The following FMN2 variants were observed in gnomAD, a reference collection of about 807,000 sequenced individuals.
The protein encoded by FMN2 is formin 2, also known as formin-2.
FMN2 carries 51 observed loss-of-function variants against 142.3 expected under a neutral mutation model. The observed-to-expected ratio is 0.36, with a 90% CI of 0.29 to 0.45. The LOEUF is 0.45. Among genes scored for constraint, FMN2 ranks in the 20% least tolerant of loss-of-function variants. The pLI is 1.00. For synonymous variants in FMN2, 882 were observed against 869.8 expected, an observed-to-expected ratio of 1.01 and a Z score of -0.25; for missense variants, 1,936 against 2,122.8, an observed-to-expected ratio of 0.91 and a Z score of 1.73.
chr1:240,299,762 T>C (rs1670129770), intron 8 of FMN2, among the ~76,000 whole-genome samples: 1 of 152,082 alleles, frequency 6.6e-6, no homozygotes, highest in African/African-American at 2.4e-5. Context: ...AAGCTTGAGC[T>C]TCCTTTTCTC....
intron 1 of FMN2, among the ~76,000 whole-genome samples, chr1:240,097,357 CTTTTT>C (rs534995077): frequency 7.6e-6 from 1 of 131,140 alleles, no homozygotes; most frequent in South Asian, 2.4e-4. Flanking sequence ...TTATAGCTGC[CTTTTT>C]TTTTTTTTTT....
chr1:240,463,760 TG>T (rs1483600339), intron 16 of FMN2, among the ~76,000 whole-genome samples: 1 of 152,094 alleles, frequency 6.6e-6, no homozygotes, highest in Non-Finnish European at 1.5e-5. Flanking sequence ...CCCAGGACTC[TG>T]GGAGGCTGAG....
intron 7 of FMN2, among the ~76,000 whole-genome samples, chr1:240,275,703 C>T (rs912884584): frequency 3.3e-5 from 5 of 152,180 alleles, no homozygotes; most frequent in Admixed American, 2.0e-4. Flanking sequence ...TTTACACTCT[C>T]ACCAACAGTG....
intron 16 of FMN2, among the ~76,000 whole-genome samples, chr1:240,456,549 C>T (rs1412886045): frequency 6.6e-6 from 1 of 152,146 alleles, no homozygotes; most frequent in Non-Finnish European, 1.5e-5. Context: ...CTCTGCCTCC[C>T]GAGTTCAAGT....
At chr1:240,311,014 G>GA (rs1378490497) in intron 8 of FMN2, among the ~76,000 whole-genome samples, 1 of 151,632 alleles carries the variant, frequency 6.6e-6, no homozygotes, top group African/African-American at 2.4e-5. Context: ...AAAAATACAT[G>GA]AAAAAAGATA....
chr1:240,145,543 TTTTTTTTTTTTTTTTTG>T, intron 2 of FMN2, among the ~76,000 whole-genome samples: 1 of 113,674 alleles, frequency 8.8e-6, no homozygotes, highest in African/African-American at 4.0e-5. Flanking sequence ...TTTTTTTTTT[TTTTTTTTTTTTTTTTTG>T]AGACAGGGTC....
chr1:240,137,611 A>G (rs1204171496), intron 2 of FMN2, among the ~76,000 whole-genome samples: 2 of 152,192 alleles, frequency 1.3e-5, no homozygotes, highest in South Asian at 2.1e-4. Context: ...GAATTTTTCT[A>G]TGAAAAATAT....
At chr1:240,452,035 C>CA (rs1215781459) in intron 16 of FMN2, among the ~76,000 whole-genome samples, 5 of 151,934 alleles carry the variant, frequency 3.3e-5, no homozygotes, top group East Asian at 3.9e-4. Context: ...ACTAAAAATA[C>CA]AAAAAATTAG....
chr1:240,135,924 C>T (rs1662919627), intron 2 of FMN2, among the ~76,000 whole-genome samples: 1 of 151,292 alleles, frequency 6.6e-6, no homozygotes, highest in Non-Finnish European at 1.5e-5. Flanking sequence ...GGTGATCTGC[C>T]CACCCCGGCC....
intron 13 of FMN2, among the ~76,000 whole-genome samples, chr1:240,342,701 A>C (rs1286528599): frequency 6.6e-6 from 1 of 152,192 alleles, no homozygotes; most frequent in East Asian, 1.9e-4. Context: ...AAAATTTATG[A>C]AATTTAGATT....
intron 13 of FMN2, among the ~76,000 whole-genome samples, chr1:240,336,458 C>T (rs903088784): frequency 2.1e-5 from 3 of 144,158 alleles, no homozygotes; most frequent in Non-Finnish European, 4.5e-5. Context: ...CCAATCTGAA[C>T]ACAGCCTGTT....
chr1:240,257,046 C>G (rs376095270), intron 6 of FMN2, among the ~76,000 whole-genome samples: 6 of 152,166 alleles, frequency 3.9e-5, no homozygotes, highest in African/African-American at 1.4e-4. Context: ...CACTTTCTTT[C>G]CTTTTCCTCC....
At chr1:240,422,668 A>G in intron 15 of FMN2, among the ~76,000 whole-genome samples, 1 of 152,210 alleles carries the variant, frequency 6.6e-6, no homozygotes, top group East Asian at 1.9e-4. Context: ...TTTTCTACAT[A>G]GACGTATTAG....
At chr1:240,156,479 A>C (rs1664030675) in intron 2 of FMN2, among the ~76,000 whole-genome samples, 1 of 152,200 alleles carries the variant, frequency 6.6e-6, no homozygotes, top group Non-Finnish European at 1.5e-5. Context: ...ACATTTCCAA[A>C]GGAAGTGCTA....
intron 2 of FMN2, among the ~76,000 whole-genome samples, chr1:240,165,219 A>G (rs1386269002): frequency 1.3e-5 from 2 of 152,284 alleles, no homozygotes; most frequent in Non-Finnish European, 2.9e-5. Flanking sequence ...GTTGTTTCCC[A>G]GGCTGAAGTG....
chr1:240,472,518 T>A, intron 17 of FMN2, 65 bp downstream of exon 17: 1 of 992,974 alleles, frequency 1.0e-6, no homozygotes, highest in Non-Finnish European at 1.5e-6. Context: ...TCATAATATA[T>A]ACAAACTCAT....
intron 3 of FMN2, chr1:240,180,171 G>A (rs1196006757): frequency 1.6e-6 from 2 of 1,284,328 alleles, no homozygotes; most frequent in South Asian, 1.3e-5. Flanking sequence ...TCTTGAAGAG[G>A]ATGATGGAGG....
intron 2 of FMN2, chr1:240,170,224 C>G (rs772281914): frequency 2.3e-4 from 290 of 1,269,638 alleles, no homozygotes; most frequent in Non-Finnish European, 2.8e-4. Context: ...GGCTGGAAAG[C>G]CTCTCTCCGT....
At chr1:240,386,442 T>G (rs1673407886) in intron 14 of FMN2, among the ~76,000 whole-genome samples, 1 of 152,182 alleles carries the variant, frequency 6.6e-6, no homozygotes, top group African/African-American at 2.4e-5. Flanking sequence ...CTGATATTAC[T>G]CAAATGCAAC....
Sources: gnomAD v4.1 joint callset for allele counts (sites outside exome capture counted in the v4.1 genomes callset) on GRCh38, gnomAD v4.1.1 for gene constraint, MANE v1.5 for transcripts, NCBI Gene and HGNC (gene_info 2026-07-23, HGNC 2026-07-21) for gene names.